SDCCAG8: variants seen among roughly 807,000 people sequenced by gnomAD.
The protein encoded by SDCCAG8 is serologically defined colon cancer antigen 8.
SDCCAG8 carries 74 observed loss-of-function variants against 101.8 expected under a neutral mutation model. The observed-to-expected ratio is 0.73, with a 90% CI of 0.60 to 0.88. SDCCAG8 has a LOEUF of 0.88. Ranked by LOEUF, SDCCAG8 falls within the 40% of genes least tolerant of loss-of-function variation. The probability of loss-of-function intolerance (pLI) is 0.00; values close to 1 mark genes in which losing one functional copy is unlikely to be tolerated. For missense variants in SDCCAG8, 787 were observed against 822.6 expected (o/e 0.96, Z 0.53); for synonymous variants, 281 against 292.9 (o/e 0.96, Z 0.41).
At chr1:243,436,703 A>G (rs569235866) in intron 16 of SDCCAG8, among the ~76,000 whole-genome samples, 2 of 152,330 alleles carry the variant, frequency 1.3e-5, no homozygotes, top group South Asian at 4.1e-4. Flanking sequence ...TTTGGAGGCA[A>G]AAATTCTGAC....
intron 16 of SDCCAG8, among the ~76,000 whole-genome samples, chr1:243,469,645 G>T (rs927673045): frequency 2.0e-5 from 3 of 152,010 alleles, no homozygotes; most frequent in Admixed American, 6.6e-5. Flanking sequence ...ATGATAACTA[G>T]CTTATTGCTC....
intron 16 of SDCCAG8, among the ~76,000 whole-genome samples, chr1:243,435,898 G>C (rs2082097379): frequency 6.6e-6 from 1 of 152,020 alleles, no homozygotes; most frequent in Non-Finnish European, 1.5e-5. Context: ...TTTTATGCAA[G>C]TTTTAGGTTC....
At chr1:243,386,419 C>T (rs1159243955) in intron 13 of SDCCAG8, among the ~76,000 whole-genome samples, 8 of 151,980 alleles carry the variant, frequency 5.3e-5, no homozygotes, top group South Asian at 4.2e-4. Context: ...TAGCTTCTTC[C>T]GGCCGGGCGC....
chr1:243,284,544 G>A (rs879574079), intron 4 of SDCCAG8, among the ~76,000 whole-genome samples: 9 of 152,162 alleles, frequency 5.9e-5, no homozygotes, highest in Non-Finnish European at 1.3e-4. Flanking sequence ...GTGCTTCTCA[G>A]TCTCCCCTGC....
Position 243,426,516 on chromosome 1 carries a change from AG to A in SDCCAG8, c.1944del (p.Gln648HisfsTer12), listed in dbSNP as rs764492637. On this transcript the variant is annotated frameshift_variant, in exon 16 of 18. Transcript: ENST00000366541. LOFTEE classifies it high-confidence loss of function. ...LQRRNEELEE[Q>X]CVQHGRVHET... Reference sequence around the variant, plus strand: ...AGAAGAAATGAAGAATTGGAGGAACAGTGTGTCCAGCATGGGAGAGTACATG... The same window carrying A: ...AGAAGAAATGAAGAATTGGAGGAACATGTGTCCAGCATGGGAGAGTACATG... 1.9e-6 allele frequency: 3 copies of A among 1,614,052 alleles called. No homozygotes were observed. The South Asian group carries it at 3.3e-5, about 18-fold the overall frequency.
chr1:243,261,067 T>A (rs888153546), intron 1 of SDCCAG8, among the ~76,000 whole-genome samples: 2 of 152,120 alleles, frequency 1.3e-5, no homozygotes, highest in Admixed American at 1.3e-4. Flanking sequence ...TATGATGGAG[T>A]CAGTGGAAGA....
chr1:243,332,962 T>G, intron 10 of SDCCAG8, among the ~76,000 whole-genome samples: 1 of 152,270 alleles, frequency 6.6e-6, no homozygotes, highest in East Asian at 1.9e-4. Context: ...CTTTAAAGAC[T>G]GTTTCAAATC....
chr1:243,499,694 A>G (rs1004137100), intron 17 of SDCCAG8, 62 bp from the exon 18 acceptor site: 2 of 1,318,648 alleles, frequency 1.5e-6, no homozygotes, highest in Non-Finnish European at 2.2e-6. Flanking sequence ...CCAGCAAATG[A>G]GAAGACAAAT....
intron 16 of SDCCAG8, among the ~76,000 whole-genome samples, chr1:243,484,855 C>G (rs374166968): frequency 2.0e-5 from 3 of 152,054 alleles, no homozygotes; most frequent in Admixed American, 6.5e-5. Context: ...ACCAGCCTGG[C>G]CAACATCGTG....
chr1:243,346,703 C>T (rs981558960), intron 12 of SDCCAG8, among the ~76,000 whole-genome samples: 2 of 152,140 alleles, frequency 1.3e-5, no homozygotes, highest in Non-Finnish European at 2.9e-5. Context: ...AACCGATGGG[C>T]GGATTATCCT....
chr1:243,480,664 T>G, intron 16 of SDCCAG8, among the ~76,000 whole-genome samples: 1 of 93,196 alleles, frequency 1.1e-5, no homozygotes. Flanking sequence ...ATGGGTGGGA[T>G]GGATGGATGG....
chr1:243,421,043 G>A (rs12037698), intron 15 of SDCCAG8, among the ~76,000 whole-genome samples: 18,445 of 152,106 alleles, frequency 0.12, 1,269 homozygotes, highest in Non-Finnish European at 0.15. Context: ...AGTTTCTAAA[G>A]TTTTGTCATT....
At chr1:243,356,370 C>A (rs567588222) in intron 12 of SDCCAG8, among the ~76,000 whole-genome samples, 105 of 121,032 alleles carry the variant, frequency 8.7e-4, no homozygotes, top group African/African-American at 3.2e-3. Flanking sequence ...AAGAAAGATG[C>A]TAGAATTATC....
intron 12 of SDCCAG8, among the ~76,000 whole-genome samples, chr1:243,377,872 G>A (rs1294412511): frequency 2.0e-5 from 3 of 148,292 alleles, no homozygotes; most frequent in Non-Finnish European, 3.0e-5. Context: ...ATTTTTAAAG[G>A]TTCATCTTTT....
At chr1:243,444,914 T>C (rs2082794255) in intron 16 of SDCCAG8, among the ~76,000 whole-genome samples, 1 of 152,194 alleles carries the variant, frequency 6.6e-6, no homozygotes, top group Admixed American at 6.5e-5. Context: ...ATTTAAGATA[T>C]AACATCTTTT....
At position 243,415,697 on chromosome 1, in the gene SDCCAG8, T is replaced by C. The variant is rs904057670; in HGVS notation, c.1617-5T>C. The C allele has an allele frequency of 6.2e-7, 1 of 1,613,738 alleles. No homozygotes were observed. Among genetic ancestry groups the C allele is most frequent in the African/African-American group, 1.3e-5 (1 of 75,026 alleles). On this transcript the variant is annotated splice_region_variant and splice_polypyrimidine_tract_variant and intron_variant, in intron 13 of 17. Coordinates refer to ENST00000366541, the MANE Select transcript of SDCCAG8 (RefSeq NM_006642.5). Reference sequence around the variant, plus strand: ...ATTTCTGTATGTCTCCTCTCTGTTTTGCAGACAGGAAAAAGATAGCATTCA... The same window carrying C: ...ATTTCTGTATGTCTCCTCTCTGTTTCGCAGACAGGAAAAAGATAGCATTCA...
chr1:243,286,887 G>C (rs999004677), intron 5 of SDCCAG8, among the ~76,000 whole-genome samples: 1 of 152,300 alleles, frequency 6.6e-6, no homozygotes. Context: ...ATTTTAGAAG[G>C]TTTTACATAG....
intron 5 of SDCCAG8, among the ~76,000 whole-genome samples, chr1:243,292,757 C>G (rs2070399206): frequency 6.6e-6 from 1 of 152,164 alleles, no homozygotes; most frequent in African/African-American, 2.4e-5. Context: ...ATTTATGAAA[C>G]ATGGAACATG....
At chr1:243,357,151 G>A (rs1387047795) in intron 12 of SDCCAG8, among the ~76,000 whole-genome samples, 1 of 152,174 alleles carries the variant, frequency 6.6e-6, no homozygotes, top group Non-Finnish European at 1.5e-5. Flanking sequence ...AGGCCGAGGT[G>A]GGTGGATCAT....
Sources: gnomAD v4.1 joint callset for allele counts (sites outside exome capture counted in the v4.1 genomes callset) on GRCh38, gnomAD v4.1.1 for gene constraint, MANE v1.5 for transcripts, NCBI Gene and HGNC (gene_info 2026-07-23, HGNC 2026-07-21) for gene names.